POLR1A: variants seen among roughly 807,000 people sequenced by gnomAD.
POLR1A encodes RNA polymerase I subunit A.
POLR1A carries 84 observed loss-of-function variants against 205.3 expected under a neutral mutation model. The observed-to-expected ratio is 0.41, with a 90% CI of 0.34 to 0.49. The LOEUF is 0.49. Among genes scored for constraint, POLR1A ranks in the 20% least tolerant of loss-of-function variants. POLR1A has a pLI of 0.22. For synonymous variants in POLR1A, 799 were observed against 863.7 expected (o/e 0.93, Z 1.31); for missense variants, 1,645 against 2,204.5 (o/e 0.75, Z 5.08).
At chr2:86,052,446 G>T (rs760922256) in intron 16 of POLR1A, among the ~76,000 whole-genome samples, 6 of 152,202 alleles carry the variant, frequency 3.9e-5, no homozygotes, top group Admixed American at 1.3e-4. Flanking sequence ...CACTGTGAAC[G>T]GGAATAAGCA....
rs545652317 is a variant in POLR1A at position 86,095,886 on chromosome 2, C to G, written c.432+2725G>C. On this transcript the variant is annotated intron_variant, in intron 3 of 33. Transcript: ENST00000263857. ...GGGACTACAGGCGCCTGCCACCACC[C>G]CCAGCTAATTTTTTTGTATTTTTAG... Among the ~76,000 whole-genome samples, 16 of 152,194 alleles carry G rather than the reference C, an allele frequency of 1.1e-4. No homozygotes were observed. In the South Asian group the frequency reaches 3.3e-3, roughly 32 times the overall value.
intron 33 of POLR1A, 60 bp downstream of exon 33, chr2:86,027,813 TGCCCATGGGTGA>T: frequency 6.6e-7 from 1 of 1,520,448 alleles, no homozygotes; most frequent in Non-Finnish European, 9.1e-7. Context: ...CATGGAAAGA[TGCCCATGGGTGA>T]GCCCGTGTGC....
In POLR1A at chr2:86,030,095, A is replaced by G. The variant is rs191997674; in HGVS notation, c.4779+101T>C. 229 of 939,992 alleles carry G rather than the reference A, an allele frequency of 2.4e-4. 2 individuals are homozygous for G. In the African/African-American group the frequency reaches 3.1e-3, roughly 13 times the overall value. 58.2% of individuals were successfully genotyped at this position (939,992 alleles called of 1,614,324 possible). On this transcript the variant is annotated intron_variant, in intron 31 of 33. Transcript: ENST00000263857. ...AAGCACAAATGGCTCAGGAAGGGCC[A>G]GAGTAAATCGCGTAGAGCGAGCCTC...
chr2:86,069,560 G>A (rs1417189249), intron 13 of POLR1A, among the ~76,000 whole-genome samples: 3 of 152,212 alleles, frequency 2.0e-5, no homozygotes, highest in African/African-American at 7.2e-5. Context: ...GACAGAAGAT[G>A]CCTTCACGGG....
intron 26 of POLR1A, 46 bp downstream of exon 26, chr2:86,039,281 G>A: frequency 6.2e-7 from 1 of 1,605,648 alleles, no homozygotes; most frequent in Non-Finnish European, 8.5e-7. Flanking sequence ...GAGGATATAG[G>A]AACATGCCTT....
rs886284886 is a variant in POLR1A, at chr2:86,023,087, A to C, written c.*4336T>G. 6.6e-6 allele frequency: 1 copy of C among 152,236 alleles called. No individual in the cohort carries two copies. The highest frequency in any genetic ancestry group is 2.4e-5 in the African/African-American group (1 of 41,458). 9.4% of individuals were successfully genotyped at this position (152,236 alleles called of 1,614,324 possible). A position where few individuals can be genotyped will look rare whatever the true frequency, so the allele number is the denominator to read the frequency against. ...AGCTCCCTAAGTGTTTCTAAGGTCC[A>C]AAACTGAGAGCCTCTAAGTGGACTT... On this transcript the variant is annotated 3_prime_UTR_variant, in exon 34 of 34. Coordinates refer to ENST00000263857, the MANE Select transcript of POLR1A (RefSeq NM_015425.6).
At chr2:86,098,876 A>C in intron 2 of POLR1A, 116 bp from the exon 3 acceptor site, 1 of 847,856 alleles carries the variant, frequency 1.2e-6, no homozygotes, top group African/African-American at 1.7e-5. Flanking sequence ...TAAAAACTCT[A>C]CTTCAGCCTA....
rs11372631 is a variant in POLR1A, at chr2:86,020,547, CAAA to C, written c.*6873_*6875del. 6.8e-5 allele frequency: 5 copies of C among 73,294 alleles called. No homozygotes were observed. The highest frequency in any genetic ancestry group is 8.3e-5 in the Non-Finnish European group (3 of 36,350). The allele number at this position is 73,294 out of a possible 1,614,324, so 4.5% of individuals were successfully genotyped here. A position where few individuals can be genotyped will look rare whatever the true frequency, so the allele number is the denominator to read the frequency against. ...TGGGCAACAGAGTGAGACCCCGTCT[CAAA>C]AAAAAAAAAAAAAAAAAAAAGATGC... On this transcript the variant is annotated 3_prime_UTR_variant, in exon 34 of 34. Coordinates refer to ENST00000263857, the MANE Select transcript of POLR1A (RefSeq NM_015425.6).
At chr2:86,054,048 G>T in intron 15 of POLR1A, 92 bp downstream of exon 15, 1 of 1,283,554 alleles carries the variant, frequency 7.8e-7, no homozygotes, top group Non-Finnish European at 1.1e-6. Flanking sequence ...ACCTGCTTCT[G>T]TGAATGTGCC....
intron 25 of POLR1A, chr2:86,040,036 C>T (rs1205220252): frequency 1.4e-5 from 3 of 221,360 alleles, no homozygotes; most frequent in Non-Finnish European, 2.7e-5. Flanking sequence ...GGGGCACGTT[C>T]TATGTGAATG....
Position 86,026,520 on chromosome 2 carries a change from G to A in POLR1A, c.*903C>T, listed in dbSNP as rs1269408129. 1 of 152,252 alleles carries A rather than the reference G, an allele frequency of 6.6e-6. No homozygotes were observed. The highest frequency in any genetic ancestry group is 2.4e-5 in the African/African-American group (1 of 41,456). 9.4% of individuals were successfully genotyped at this position (152,252 alleles called of 1,614,324 possible). A position where few individuals can be genotyped will look rare whatever the true frequency, so the allele number is the denominator to read the frequency against. On this transcript the variant is annotated 3_prime_UTR_variant, in exon 34 of 34. Transcript: ENST00000263857. Reference sequence around the variant, plus strand: ...TGTATTGCTGGTGCTAGAGGGAGAGGAAACGTGGACGGCCAAGAACAGGGC... The same window carrying A: ...TGTATTGCTGGTGCTAGAGGGAGAGAAAACGTGGACGGCCAAGAACAGGGC...
At chr2:86,033,585 A>C (rs1672435947) in intron 28 of POLR1A, 76 bp downstream of exon 28, 1 of 1,509,708 alleles carries the variant, frequency 6.6e-7, no homozygotes, top group African/African-American at 1.4e-5. Context: ...GGAGGAGCAC[A>C]GAGAATAGGC....
intron 23 of POLR1A, 55 bp downstream of exon 23, chr2:86,042,919 C>G: frequency 7.7e-7 from 1 of 1,292,358 alleles, no homozygotes; most frequent in South Asian, 1.2e-5. Flanking sequence ...CATCCCTCAC[C>G]CACTGACTAA....
At chr2:86,060,787 G>A (rs1453377399) in intron 14 of POLR1A, among the ~76,000 whole-genome samples, 6 of 152,150 alleles carry the variant, frequency 3.9e-5, no homozygotes. Context: ...CAGGCAAAGA[G>A]CTCCTACAGG....
At chr2:86,053,450 C>A (rs1672842265) in intron 15 of POLR1A, among the ~76,000 whole-genome samples, 1 of 152,164 alleles carries the variant, frequency 6.6e-6, no homozygotes. Context: ...TAGGTACTTC[C>A]TCCCTTGAAC....
chr2:86,025,246 A>ATC lies in POLR1A; in HGVS notation c.*2175_*2176dup, dbSNP rs1422355090. 6.6e-6 allele frequency: 1 copy of ATC among 152,202 alleles called. No homozygotes were observed. Among genetic ancestry groups the ATC allele is most frequent in the Non-Finnish European group, 1.5e-5 (1 of 68,028 alleles). 9.4% of individuals were successfully genotyped at this position (152,202 alleles called of 1,614,324 possible). ...AACGCAGATTAGTCCATGTTCTTGA[A>ATC]TCCATCCATCAGATTTGACTTGGGC... On this transcript the variant is annotated 3_prime_UTR_variant, in exon 34 of 34. Transcript: ENST00000263857.
At chr2:86,081,734 G>A (rs987383603) in intron 7 of POLR1A, 28 bp from the exon 8 acceptor site, 8 of 1,402,904 alleles carry the variant, frequency 5.7e-6, no homozygotes, top group African/African-American at 1.4e-5. Flanking sequence ...AAACCAAGAA[G>A]ACCATTTAAA....
chr2:86,071,227 CATGTGTGTGTGTGT>C (rs1673175069), intron 12 of POLR1A, among the ~76,000 whole-genome samples: 1 of 147,242 alleles, frequency 6.8e-6, no homozygotes, highest in Non-Finnish European at 1.5e-5. Context: ...TCTCCGTGTG[CATGTGTGTGTGTGT>C]GTGTGTGTGT....
chr2:86,028,777 C>G lies in POLR1A; in HGVS notation c.4780-66G>C, dbSNP rs1340158276. ...CTTCTGCTCCCTTCTGCCTGCGTAT[C>G]TCCCCCTGGCCGCTCTCTCTCTCCT... is the stretch of plus-strand genomic sequence containing the variant. On this transcript the variant is annotated intron_variant, in intron 31 of 33. Coordinates refer to ENST00000263857, the MANE Select transcript of POLR1A (RefSeq NM_015425.6). The surrounding 1 kb of genome is among the most constrained non-coding windows in gnomAD (Gnocchi z 4.5). 3 of 1,150,554 alleles carry G rather than the reference C, an allele frequency of 2.6e-6. No homozygotes were observed. The highest frequency in any genetic ancestry group is 3.9e-6 in the Non-Finnish European group (3 of 768,236). The allele number at this position is 1,150,554 out of a possible 1,614,324, so 71.3% of individuals were successfully genotyped here.
Sources: gnomAD v4.1 joint callset for allele counts (sites outside exome capture counted in the v4.1 genomes callset) on GRCh38, gnomAD v4.1.1 for gene constraint, Gnocchi (gnomAD v3.1) non-coding constraint, MANE v1.5 for transcripts, NCBI Gene and HGNC (gene_info 2026-07-23, HGNC 2026-07-21) for gene names.